MYO1B: variants seen among roughly 807,000 people sequenced by gnomAD.
MYO1B encodes myosin IB, also known as unconventional myosin-Ib.
MYO1B carries 72 observed loss-of-function variants against 159.7 expected under a neutral mutation model. The ratio of observed to expected loss-of-function variants is 0.45; its 90% CI spans 0.37 to 0.55. The LOEUF (loss-of-function observed/expected upper bound fraction) is 0.55. MYO1B is among the 20% of genes least tolerant of loss of function. The pLI, the probability that MYO1B is intolerant of heterozygous loss-of-function variation, is 0.00. For synonymous variants in MYO1B, 468 were observed against 473.8 expected, an observed-to-expected ratio of 0.99 and a Z score of 0.16; for missense variants, 1,062 against 1,364.8, an observed-to-expected ratio of 0.78 and a Z score of 3.50.
At chr2:191,363,998 T>A in intron 10 of MYO1B, 123 bp downstream of exon 10, 1 of 1,314,032 alleles carries the variant, frequency 7.6e-7, no homozygotes, top group Non-Finnish European at 1.1e-6. Context: ...CTAATGAAAC[T>A]GAGCAGAAAT....
intron 7 of MYO1B, among the ~76,000 whole-genome samples, chr2:191,352,403 G>A (rs1010638807): frequency 1.3e-5 from 2 of 152,138 alleles, no homozygotes; most frequent in African/African-American, 4.8e-5. Context: ...ATTTTGGAAT[G>A]ATTTAATCAA....
chr2:191,363,683 A>G (rs1220509975), intron 9 of MYO1B, 45 bp from the exon 10 acceptor site: 1 of 1,558,868 alleles, frequency 6.4e-7, no homozygotes, highest in East Asian at 2.3e-5. Flanking sequence ...AGAAAAGAAA[A>G]TAACTATAAG....
intron 8 of MYO1B, 22 bp downstream of exon 8, chr2:191,360,751 G>GTTGTTGTTGT (rs1553552026): frequency 2.5e-4 from 279 of 1,118,300 alleles, no homozygotes; most frequent in African/African-American, 5.9e-4. Context: ...TTTCTATGTG[G>GTTGTTGTTGT]TGTTGTTGTT....
chr2:191,400,687 A>G, intron 22 of MYO1B, 62 bp from the exon 23 acceptor site: 1 of 1,566,452 alleles, frequency 6.4e-7, no homozygotes, highest in South Asian at 1.2e-5. Flanking sequence ...TCTTCATTGA[A>G]AACCAGCAGT....
In MYO1B at chr2:191,375,974, A is replaced by G. The variant is rs542806575; in HGVS notation, c.1186-5488A>G. Among the ~76,000 whole-genome samples, 783 of 151,952 alleles carry G rather than the reference A, an allele frequency of 5.2e-3. 1 individual carries two copies. The highest frequency in any genetic ancestry group is 0.01 in the Middle Eastern group (3 of 294). Reference sequence around the variant, plus strand: ...ACTCCGTATCAAAAAAAAAAAAAAAATTCAAACTTAAATGTGTGGAATAAT... The same window carrying G: ...ACTCCGTATCAAAAAAAAAAAAAAAGTTCAAACTTAAATGTGTGGAATAAT... On this transcript the variant is annotated intron_variant, in intron 13 of 30. Coordinates refer to ENST00000392318, the MANE Select transcript of MYO1B (RefSeq NM_001130158.3).
At position 191,314,547 on chromosome 2, in the gene MYO1B, T is replaced by C. The variant is rs76209038; in HGVS notation, c.252-15388T>C. On this transcript the variant is annotated intron_variant, in intron 3 of 30. Transcript: ENST00000392318. ...CTATATTCATTCACATATTCATCCA[T>C]TGGGAATTTCAGTAAAATGGTTCTA... Among the ~76,000 whole-genome samples, 1,065 of 152,348 alleles carry C rather than the reference T, an allele frequency of 7.0e-3. 34 individuals carry two copies. In the East Asian group the frequency reaches 0.094, roughly 13 times the overall value.
chr2:191,416,424 C>CA, intron 30 of MYO1B, 182 bp downstream of exon 30: 1 of 652,966 alleles, frequency 1.5e-6, no homozygotes, highest in South Asian at 2.0e-5. Flanking sequence ...ATGTACCTGA[C>CA]ATCCTAGTGG....
At position 191,299,635 on chromosome 2, in the gene MYO1B, A is replaced by C. The variant is rs115310672; in HGVS notation, c.251+3409A>C. Among the ~76,000 whole-genome samples the C allele has an allele frequency of 7.0e-3, 1,066 of 152,328 alleles. 13 individuals carry two copies. Among genetic ancestry groups the C allele is most frequent in the African/African-American group, 0.024 (1,017 of 41,576 alleles). ...ACATTTACTATTTAATGTTTGTTTAAGGGATGATTTGTCTAAGAATTTGAT... is the reference window on the plus strand; with the variant it reads ...ACATTTACTATTTAATGTTTGTTTACGGGATGATTTGTCTAAGAATTTGAT... On this transcript the variant is annotated intron_variant, in intron 3 of 30. Transcript: ENST00000392318.
intron 1 of MYO1B, among the ~76,000 whole-genome samples, chr2:191,271,628 G>A (rs745593022): frequency 1.3e-5 from 2 of 151,956 alleles, no homozygotes; most frequent in Non-Finnish European, 2.9e-5. Context: ...CAAATTCTAC[G>A]ATAAAAGTGT....
At chr2:191,307,247 A>G (rs1689703733) in intron 3 of MYO1B, among the ~76,000 whole-genome samples, 1 of 151,432 alleles carries the variant, frequency 6.6e-6, no homozygotes, top group Non-Finnish European at 1.5e-5. Context: ...TTTTTTTTAG[A>G]CCACGTAGAG....
At chr2:191,377,884 A>C (rs187770685) in intron 13 of MYO1B, 4 of 152,336 alleles carry the variant, frequency 2.6e-5, no homozygotes, top group African/African-American at 7.2e-5. Flanking sequence ...AGGATCATCT[A>C]GGTGACCCAT....
chr2:191,359,911 A>G (rs955210553), intron 7 of MYO1B, among the ~76,000 whole-genome samples: 6 of 152,176 alleles, frequency 3.9e-5, no homozygotes, highest in Non-Finnish European at 7.3e-5. Flanking sequence ...CCCATTTGAA[A>G]ATTTGGGAAG....
chr2:191,356,714 TATTTC>T (rs1045299002), intron 7 of MYO1B, among the ~76,000 whole-genome samples: 28 of 152,344 alleles, frequency 1.8e-4, no homozygotes, highest in African/African-American at 6.7e-4. Flanking sequence ...TAGGACCAGA[TATTTC>T]ATTAATTTTA....
At chr2:191,253,705 A>G (rs918829491) in intron 1 of MYO1B, among the ~76,000 whole-genome samples, 1 of 152,210 alleles carries the variant, frequency 6.6e-6, no homozygotes, top group African/African-American at 2.4e-5. Context: ...CATCACATGC[A>G]CATCACATTC....
chr2:191,381,565 A>C lies in MYO1B; in HGVS notation c.1289A>C (p.Glu430Ala), dbSNP rs1408177097. The C allele has an allele frequency of 2.5e-6, 4 of 1,601,288 alleles. No homozygotes were observed. Among genetic ancestry groups the C allele is most frequent in the Admixed American group, 1.7e-5 (1 of 59,808 alleles). The change falls in exon 14 of 31, where the codon GAG (glutamate) becomes GCG (alanine). Residue 430 changes from glutamate to alanine, a missense_variant and splice_region_variant. Coordinates refer to ENST00000392318, the MANE Select transcript of MYO1B (RefSeq NM_001130158.3). Reference sequence around the variant, plus strand: ...GAAGAGCAGGAGGAGTATATACGGGAGGTAATGTTGAAATGCTATTTTTAA... The same window carrying C: ...GAAGAGCAGGAGGAGTATATACGGGCGGTAATGTTGAAATGCTATTTTTAA... ...LKEEQEEYIR[E>A]DIEWTHIDYF... is the part of the protein sequence containing the mutation.
At chr2:191,286,017 G>C (rs1263833911) in intron 2 of MYO1B, among the ~76,000 whole-genome samples, 1 of 152,056 alleles carries the variant, frequency 6.6e-6, no homozygotes, top group African/African-American at 2.4e-5. Flanking sequence ...CAGAGCTTTG[G>C]GATGAAACTC....
chr2:191,298,075 A>G (rs2125819318), intron 3 of MYO1B, among the ~76,000 whole-genome samples: 1 of 152,362 alleles, frequency 6.6e-6, no homozygotes, highest in African/African-American at 2.4e-5. Context: ...CATAAAATCT[A>G]ATAATTAAGG....
At chr2:191,407,844 A>G (rs1003697283) in intron 24 of MYO1B, 3 of 255,582 alleles carry the variant, frequency 1.2e-5, no homozygotes, top group African/African-American at 6.7e-5. Context: ...TGCCTGTAAA[A>G]TGTTTCTTGT....
intron 30 of MYO1B, among the ~76,000 whole-genome samples, chr2:191,422,543 AAATTTTTAT>A (rs1001974182): frequency 6.6e-6 from 1 of 152,174 alleles, no homozygotes; most frequent in African/African-American, 2.4e-5. Context: ...TGGATTTTTT[AAATTTTTAT>A]AATTTTTATA....
Sources: allele counts gnomAD v4.1 joint callset (sites outside exome capture counted in the v4.1 genomes callset), GRCh38; gene constraint gnomAD v4.1.1; transcripts MANE v1.5; gene names NCBI Gene and HGNC (gene_info 2026-07-23, HGNC 2026-07-21).